The following SLIT2 variants were observed in gnomAD, a reference collection of about 807,000 sequenced individuals.
SLIT2 encodes slit homolog 2 protein.
A neutral mutation model predicts 185.7 loss-of-function variants in SLIT2; 41 were observed. The ratio of observed to expected loss-of-function variants is 0.22; its 90% CI spans 0.17 to 0.29. The LOEUF is 0.29. SLIT2 is among the 10% of genes least tolerant of loss of function. The pLI, the probability that SLIT2 is intolerant of heterozygous loss-of-function variation, is 1.00. For synonymous variants in SLIT2, 693 were observed against 680.2 expected, an observed-to-expected ratio of 1.02 and a Z score of -0.29; for missense variants, 1,571 against 1,909.0, an observed-to-expected ratio of 0.82 and a Z score of 3.30.
intron 11 of SLIT2, among the ~76,000 whole-genome samples, chr4:20,518,375 C>G (rs1720454175): frequency 7.2e-6 from 1 of 139,788 alleles, no homozygotes; most frequent in Non-Finnish European, 1.5e-5. Flanking sequence ...GCCTCAGCCT[C>G]CCAAGTAGCT....
chr4:20,390,348 A>G (rs112922269), intron 4 of SLIT2, among the ~76,000 whole-genome samples: 51 of 152,174 alleles, frequency 3.4e-4, no homozygotes, highest in African/African-American at 1.2e-3. Context: ...TAAAATATAA[A>G]TTACAAACAT....
chr4:20,485,170 G>C (rs920899326), intron 6 of SLIT2, among the ~76,000 whole-genome samples: 1 of 151,990 alleles, frequency 6.6e-6, no homozygotes, highest in Non-Finnish European at 1.5e-5. Context: ...TATACCCCCC[G>C]GGATAACTTC....
In SLIT2 at chr4:20,254,125, G is replaced by C; in HGVS notation, c.179+131G>C. 1.1e-6 allele frequency: 1 copy of C among 917,728 alleles called. No homozygotes were observed. Among genetic ancestry groups the C allele is most frequent in the Non-Finnish European group, 1.6e-6 (1 of 609,116 alleles). The allele number at this position is 917,728 out of a possible 1,614,324, so 56.8% of individuals were successfully genotyped here. ...GCTAGCTCTCCCCCATGCACATCCT[G>C]GGGTTGAGCTCTCCGGGAGGGCACT... On this transcript the variant is annotated intron_variant, in intron 1 of 36. Coordinates refer to ENST00000504154, the MANE Select transcript of SLIT2 (RefSeq NM_004787.4). This position sits in a 1 kb window ranked among gnomAD's most constrained non-coding sequence, Gnocchi z 5.1.
chr4:20,429,375 C>T (rs1458109515), intron 4 of SLIT2, among the ~76,000 whole-genome samples: 1 of 152,018 alleles, frequency 6.6e-6, no homozygotes, highest in East Asian at 1.9e-4. Context: ...ACTGTCTTTT[C>T]TAACGGTAAA....
rs59662736 is a variant in SLIT2 at position 20,561,002 on chromosome 4, T to C, written c.2726-6260T>C. 5.8e-3 allele frequency among the ~76,000 whole-genome samples: 879 copies of C among 151,956 alleles called. 19 individuals are homozygous for C. Among genetic ancestry groups the C allele is most frequent in the African/African-American group, 0.02 (845 of 41,400 alleles). On this transcript the variant is annotated intron_variant, in intron 26 of 36. Coordinates refer to ENST00000504154, the MANE Select transcript of SLIT2 (RefSeq NM_004787.4). Reference sequence around the variant, plus strand: ...ATGGAAGTCTGGTGATAGAAATATGTGTAAGATGCTAATAATATATCTATA... The same window carrying C: ...ATGGAAGTCTGGTGATAGAAATATGCGTAAGATGCTAATAATATATCTATA...
chr4:20,318,079 C>T (rs1050239851), intron 4 of SLIT2, among the ~76,000 whole-genome samples: 1 of 152,114 alleles, frequency 6.6e-6, no homozygotes, highest in Non-Finnish European at 1.5e-5. Context: ...CTTGTTCTTA[C>T]ATCAGAAGAA....
At chr4:20,323,197 T>TCCTTTTGTAAATAATTTCAGCTA (rs1719256547) in intron 4 of SLIT2, among the ~76,000 whole-genome samples, 1 of 151,860 alleles carries the variant, frequency 6.6e-6, no homozygotes, top group South Asian at 2.1e-4. Context: ...TAATTTCAGC[T>TCCTTTTGTAAATAATTTCAGCTA]AAAAAATGTA....
Position 20,596,629 on chromosome 4 carries a change from C to G in SLIT2, c.3535C>G (p.Arg1179Gly). Residue 1179 changes from arginine (R) to glycine (G), a missense_variant, in exon 32 of 37, where the codon CGG (arginine) becomes GGG (glycine). Around this residue, in one of 3 missense-constraint regions of SLIT2, gnomAD observed 146 missense variants for 247.4 expected, o/e 0.59. Coordinates refer to ENST00000504154, the MANE Select transcript of SLIT2 (RefSeq NM_004787.4). ...SYLQIPSAKV[R>G]PQTNITLQIA... Reference sequence around the variant, plus strand: ...TCTTCAGATTCCTTCAGCCAAGGTTCGGCCTCAGACGAACATAACACTTCA... The same window carrying G: ...TCTTCAGATTCCTTCAGCCAAGGTTGGGCCTCAGACGAACATAACACTTCA... 6.2e-7 allele frequency: 1 copy of G among 1,613,390 alleles called. No individual in the cohort carries two copies. The highest frequency in any genetic ancestry group is 8.5e-7 in the Non-Finnish European group (1 of 1,179,898).
chr4:20,546,230 A>G (rs1723241869), intron 22 of SLIT2, 131 bp downstream of exon 22: 1 of 527,798 alleles, frequency 1.9e-6, no homozygotes, highest in Non-Finnish European at 3.3e-6. Flanking sequence ...CTCCTTGCTC[A>G]TTGCGGTTCT....
At chr4:20,438,134 A>T (rs1729483961) in intron 4 of SLIT2, among the ~76,000 whole-genome samples, 1 of 151,798 alleles carries the variant, frequency 6.6e-6, no homozygotes, top group African/African-American at 2.4e-5. Context: ...CTTCCAATTT[A>T]CCTCCCTTCT....
At chr4:20,529,339 C>G (rs1281961452) in intron 16 of SLIT2, among the ~76,000 whole-genome samples, 1 of 152,150 alleles carries the variant, frequency 6.6e-6, no homozygotes, top group Non-Finnish European at 1.5e-5. Flanking sequence ...TCAGTAAGCA[C>G]TTCATACTAA....
At chr4:20,451,308 T>C (rs1712445922) in intron 4 of SLIT2, among the ~76,000 whole-genome samples, 1 of 152,224 alleles carries the variant, frequency 6.6e-6, no homozygotes, top group Middle Eastern at 3.2e-3. Flanking sequence ...CCAATGTTAA[T>C]GTTATGACTT....
chr4:20,444,927 A>T (rs1350903411), intron 4 of SLIT2, among the ~76,000 whole-genome samples: 3 of 152,178 alleles, frequency 2.0e-5, no homozygotes. Context: ...ACTTAATTGC[A>T]TTCTGTCTAG....
At chr4:20,533,750 CA>C in intron 18 of SLIT2, 35 bp downstream of exon 18, 1 of 1,579,144 alleles carries the variant, frequency 6.3e-7, no homozygotes, top group Non-Finnish European at 8.6e-7. Flanking sequence ...GTTCTTCTAC[CA>C]AAGGATTGCA....
At chr4:20,453,422 C>T (rs949710413) in intron 4 of SLIT2, among the ~76,000 whole-genome samples, 3 of 151,972 alleles carry the variant, frequency 2.0e-5, no homozygotes, top group Non-Finnish European at 4.4e-5. Context: ...TCTCCCAAAA[C>T]GTTATTTGTT....
intron 4 of SLIT2, among the ~76,000 whole-genome samples, chr4:20,435,192 G>A (rs1467740222): frequency 6.6e-6 from 1 of 152,162 alleles, no homozygotes; most frequent in Non-Finnish European, 1.5e-5. Flanking sequence ...AGTGCTGTAT[G>A]TGCAACCTTT....
chr4:20,436,159 T>G (rs1394382151), intron 4 of SLIT2, among the ~76,000 whole-genome samples: 1 of 152,218 alleles, frequency 6.6e-6, no homozygotes, highest in Non-Finnish European at 1.5e-5. Context: ...AAGTAGATTA[T>G]CAGAAACAAT....
At chr4:20,374,283 T>C (rs1475712065) in intron 4 of SLIT2, among the ~76,000 whole-genome samples, 2 of 152,164 alleles carry the variant, frequency 1.3e-5, no homozygotes, top group African/African-American at 4.8e-5. Context: ...AGTGCATGGC[T>C]TAATAATAGA....
At chr4:20,472,345 TA>T (rs1715294736) in intron 5 of SLIT2, among the ~76,000 whole-genome samples, 2 of 54,518 alleles carry the variant, frequency 3.7e-5, no homozygotes, top group Non-Finnish European at 6.8e-5. Flanking sequence ...GATCTATATA[TA>T]GATATAGATA....
Sources: allele counts gnomAD v4.1 joint callset (sites outside exome capture counted in the v4.1 genomes callset), GRCh38; gene constraint gnomAD v4.1.1; regional missense constraint gnomAD v4.1.1; non-coding constraint Gnocchi (gnomAD v3.1); transcripts MANE v1.5; gene names NCBI Gene and HGNC (gene_info 2026-07-23, HGNC 2026-07-21).